The following AKAP13 variants were observed in gnomAD, a reference collection of about 807,000 sequenced individuals.
The protein encoded by AKAP13 is A-kinase anchoring protein 13.
A neutral mutation model predicts 264.5 loss-of-function variants in AKAP13; 80 were observed. The ratio of observed to expected loss-of-function variants is 0.30; its 90% CI spans 0.25 to 0.36. AKAP13 has a LOEUF of 0.36. Ranked by LOEUF, AKAP13 falls within the 10% of genes least tolerant of loss-of-function variation. The pLI is 1.00. For synonymous variants in AKAP13, 1,380 were observed against 1,250.2 expected (o/e 1.10, Z -2.19); for missense variants, 3,712 against 3,435.2 (o/e 1.08, Z -2.01).
At chr15:85,510,321 A>G (rs187718946) in intron 2 of AKAP13, among the ~76,000 whole-genome samples, 4 of 152,334 alleles carry the variant, frequency 2.6e-5, no homozygotes, top group Non-Finnish European at 5.9e-5. Flanking sequence ...TCTTCAAGGT[A>G]GAGTTTGGGC....
At chr15:85,626,482 A>C (rs1408185876) in intron 8 of AKAP13, among the ~76,000 whole-genome samples, 3 of 152,220 alleles carry the variant, frequency 2.0e-5, no homozygotes, top group African/African-American at 7.2e-5. Flanking sequence ...CTAGGTACTA[A>C]GTGGAGTCAT....
At chr15:85,495,926 A>C (rs2075858539) in intron 2 of AKAP13, among the ~76,000 whole-genome samples, 2 of 152,250 alleles carry the variant, frequency 1.3e-5, no homozygotes, top group Non-Finnish European at 2.9e-5. Context: ...TAAAATGTGC[A>C]AAACAAAATC....
intron 30 of AKAP13, among the ~76,000 whole-genome samples, chr15:85,733,873 CTTTTTTT>C (rs72092500): frequency 1.9e-4 from 16 of 82,588 alleles, no homozygotes; most frequent in African/African-American, 6.5e-4. Flanking sequence ...TCTTTCTTTT[CTTTTTTT>C]TTTTTTTTTT....
At chr15:85,454,736 G>A (rs780224938) in intron 1 of AKAP13, among the ~76,000 whole-genome samples, 21 of 152,122 alleles carry the variant, frequency 1.4e-4, no homozygotes, top group African/African-American at 5.1e-4. Flanking sequence ...CCAGAGAGTT[G>A]TTCAACTGTC....
chr15:85,441,443 C>T (rs974528773), intron 1 of AKAP13, among the ~76,000 whole-genome samples: 2 of 151,858 alleles, frequency 1.3e-5, no homozygotes, highest in Non-Finnish European at 2.9e-5. Flanking sequence ...TAGTCTCTGA[C>T]GTAGAGTCTT....
chr15:85,605,787 T>G (rs2080296895), intron 8 of AKAP13, among the ~76,000 whole-genome samples: 1 of 152,222 alleles, frequency 6.6e-6, no homozygotes, highest in Admixed American at 6.5e-5. Flanking sequence ...AAGCATTCAG[T>G]CTTCAAGCTT....
chr15:85,628,282 A>G (rs979320676), intron 8 of AKAP13, among the ~76,000 whole-genome samples: 4 of 152,110 alleles, frequency 2.6e-5, no homozygotes, highest in Admixed American at 2.6e-4. Context: ...CTTCTTGTCT[A>G]TTGCTGTACC....
At chr15:85,467,922 A>G (rs1023980635) in intron 1 of AKAP13, among the ~76,000 whole-genome samples, 11 of 152,208 alleles carry the variant, frequency 7.2e-5, no homozygotes, top group African/African-American at 2.7e-4. Context: ...TGACGGAGGC[A>G]GAGTTGAGGA....
intron 7 of AKAP13, among the ~76,000 whole-genome samples, chr15:85,584,482 A>G (rs2079257603): frequency 6.6e-6 from 1 of 152,168 alleles, no homozygotes; most frequent in South Asian, 2.1e-4. Flanking sequence ...ACTCACTTAG[A>G]GATGTTTTGA....
chr15:85,437,953 GA>G (rs1251938372), intron 1 of AKAP13, among the ~76,000 whole-genome samples: 1 of 146,870 alleles, frequency 6.8e-6, no homozygotes, highest in Non-Finnish European at 1.5e-5. Flanking sequence ...CATAGTGTTG[GA>G]AGTTCTGGCC....
intron 12 of AKAP13, among the ~76,000 whole-genome samples, 175 bp downstream of exon 12, chr15:85,658,765 T>C (rs1440139397): frequency 1.3e-5 from 2 of 152,204 alleles, no homozygotes; most frequent in East Asian, 3.8e-4. Flanking sequence ...TTATATGAAA[T>C]GGTTTCTTTA....
intron 1 of AKAP13, among the ~76,000 whole-genome samples, chr15:85,477,837 A>G (rs1436174897): frequency 6.6e-6 from 1 of 152,056 alleles, no homozygotes; most frequent in Non-Finnish European, 1.5e-5. Context: ...AGGCTGGGCA[A>G]CTTTGAGGTA....
At chr15:85,503,394 A>G (rs888497419) in intron 2 of AKAP13, among the ~76,000 whole-genome samples, 3 of 152,198 alleles carry the variant, frequency 2.0e-5, no homozygotes, top group Non-Finnish European at 2.9e-5. Flanking sequence ...CTCTGGTACT[A>G]TAGCCCCCAA....
chr15:85,738,395 CA>C (rs1044424992), intron 33 of AKAP13, among the ~76,000 whole-genome samples: 18 of 144,324 alleles, frequency 1.2e-4, no homozygotes, highest in African/African-American at 2.3e-4. Flanking sequence ...GTATCCATCT[CA>C]AAAAAAAAAG....
At chr15:85,477,806 C>T (rs1355483780) in intron 1 of AKAP13, among the ~76,000 whole-genome samples, 7 of 151,990 alleles carry the variant, frequency 4.6e-5, no homozygotes, top group Non-Finnish European at 1.5e-5. Context: ...ATTTTCTTCT[C>T]TCTCCCTGCC....
intron 1 of AKAP13, among the ~76,000 whole-genome samples, chr15:85,463,663 C>A (rs1458102254): frequency 1.3e-5 from 2 of 152,182 alleles, no homozygotes; most frequent in South Asian, 2.1e-4. Context: ...TTCCTGCTAC[C>A]CTCTTCTTGT....
intron 2 of AKAP13, among the ~76,000 whole-genome samples, chr15:85,488,881 G>A (rs759963530): frequency 9.2e-5 from 14 of 152,304 alleles, no homozygotes; most frequent in Non-Finnish European, 1.5e-4. Flanking sequence ...AATTTATGTT[G>A]TCTTAAGCCA....
chr15:85,682,135 T>C (rs1240370258), intron 14 of AKAP13, 23 bp from the exon 15 acceptor site: 1 of 1,611,644 alleles, frequency 6.2e-7, no homozygotes, highest in Non-Finnish European at 8.5e-7. Context: ...TGGTTCTAAC[T>C]TTTTTTCTGC....
Position 85,678,157 on chromosome 15 carries a change from T to G in AKAP13, c.5102-4001T>G, listed in dbSNP as rs2084359163. ...ACAGTCTTCAATTGTGCAAGATTTC[T>G]AGAATATTCCAGGATTGCTTTTAAT... On this transcript the variant is annotated intron_variant, in intron 14 of 36. Coordinates refer to ENST00000394518, the MANE Select transcript of AKAP13 (RefSeq NM_007200.5). Among the ~76,000 whole-genome samples the G allele has an allele frequency of 2.0e-5, 3 of 152,348 alleles. No individual in the cohort carries two copies. In the South Asian group the frequency reaches 6.2e-4, roughly 32 times the overall value.
Sources: allele counts gnomAD v4.1 joint callset (sites outside exome capture counted in the v4.1 genomes callset), GRCh38; gene constraint gnomAD v4.1.1; transcripts MANE v1.5; gene names NCBI Gene and HGNC (gene_info 2026-07-23, HGNC 2026-07-21).